Variants in PLCL1 observed in about 807,000 individuals in gnomAD.
PLCL1 encodes inactive phospholipase C-like protein 1.
In PLCL1, 41 loss-of-function variants were observed where a neutral mutation model predicts 84.4. That is an observed-to-expected ratio of 0.49 (90% CI 0.38 to 0.63). PLCL1 has a LOEUF of 0.63. Among genes scored for constraint, PLCL1 ranks in the 30% least tolerant of loss-of-function variants. The probability of loss-of-function intolerance (pLI) is 0.00; values close to 1 mark genes in which losing one functional copy is unlikely to be tolerated. For synonymous variants in PLCL1, 490 were observed against 488.3 expected, an observed-to-expected ratio of 1.00 and a Z score of -0.05; for missense variants, 1,206 against 1,367.8, an observed-to-expected ratio of 0.88 and a Z score of 1.87.
intron 1 of PLCL1, among the ~76,000 whole-genome samples, chr2:197,897,109 T>C (rs1574937178): frequency 2.7e-5 from 1 of 37,204 alleles, no homozygotes; most frequent in African/African-American, 1.6e-4. Context: ...CTTCTTCTTC[T>C]TCTTCTTCTT....
chr2:197,950,444 G>A (rs974701356), intron 1 of PLCL1, among the ~76,000 whole-genome samples: 2 of 152,092 alleles, frequency 1.3e-5, no homozygotes, highest in African/African-American at 4.8e-5. Flanking sequence ...GCATAAGCAT[G>A]GGTGGGGCAT....
At chr2:198,130,641 C>G (rs951602963) in intron 5 of PLCL1, among the ~76,000 whole-genome samples, 3 of 152,062 alleles carry the variant, frequency 2.0e-5, no homozygotes, top group Non-Finnish European at 4.4e-5. Context: ...CTCAGTGACA[C>G]CTCTGGAATT....
intron 1 of PLCL1, among the ~76,000 whole-genome samples, chr2:198,069,198 A>T (rs1420093459): frequency 6.6e-6 from 1 of 150,898 alleles, no homozygotes; most frequent in East Asian, 2.0e-4. Context: ...ACACACAAGG[A>T]TATGCACCAG....
At chr2:197,958,349 T>C (rs2105787395) in intron 1 of PLCL1, among the ~76,000 whole-genome samples, 1 of 150,436 alleles carries the variant, frequency 6.6e-6, no homozygotes, top group Admixed American at 6.7e-5. Flanking sequence ...ATATTAACCA[T>C]AGCTTATGAG....
chr2:198,074,588 G>A (rs1408966516), intron 1 of PLCL1, among the ~76,000 whole-genome samples: 1 of 152,096 alleles, frequency 6.6e-6, no homozygotes, highest in African/African-American at 2.4e-5. Context: ...GCAGTGAGCC[G>A]AGATCGAGCC....
At chr2:197,819,724 G>A (rs1690767301) in intron 1 of PLCL1, among the ~76,000 whole-genome samples, 1 of 152,088 alleles carries the variant, frequency 6.6e-6, no homozygotes, top group Non-Finnish European at 1.5e-5. Context: ...GGGATAGGTA[G>A]TGGAGGTTTC....
chr2:197,882,824 A>G (rs1397303979), intron 1 of PLCL1, among the ~76,000 whole-genome samples: 2 of 152,214 alleles, frequency 1.3e-5, no homozygotes, highest in Admixed American at 6.6e-5. Context: ...TAAAACTTCA[A>G]ATAATCTAAA....
intron 5 of PLCL1, among the ~76,000 whole-genome samples, chr2:198,114,354 CT>C (rs914995077): frequency 1.5e-4 from 23 of 148,992 alleles, no homozygotes; most frequent in African/African-American, 3.2e-4. Flanking sequence ...TGGAGGTACA[CT>C]TTTTTTTTTC....
At chr2:197,877,344 G>A (rs1174540168) in intron 1 of PLCL1, among the ~76,000 whole-genome samples, 1 of 151,996 alleles carries the variant, frequency 6.6e-6, no homozygotes, top group African/African-American at 2.4e-5. Flanking sequence ...TAGTGATAAA[G>A]GAAGCAACAT....
chr2:197,834,265 A>C (rs915528244), intron 1 of PLCL1, among the ~76,000 whole-genome samples: 1 of 152,204 alleles, frequency 6.6e-6, no homozygotes, highest in Non-Finnish European at 1.5e-5. Context: ...TGACTAAAAC[A>C]CCAAAACAAT....
chr2:197,977,111 T>G (rs1342778151), intron 1 of PLCL1, among the ~76,000 whole-genome samples: 1 of 152,178 alleles, frequency 6.6e-6, no homozygotes, highest in East Asian at 1.9e-4. Flanking sequence ...TCTCTCCGCC[T>G]CCTCTTGTAT....
chr2:197,907,818 G>C (rs1688413820), intron 1 of PLCL1, among the ~76,000 whole-genome samples: 1 of 152,084 alleles, frequency 6.6e-6, no homozygotes, highest in South Asian at 2.1e-4. Context: ...AATCACCTGA[G>C]AGCTAAACTG....
chr2:197,982,215 G>GTATA (rs150185032), intron 1 of PLCL1, among the ~76,000 whole-genome samples: 3 of 149,546 alleles, frequency 2.0e-5, no homozygotes, highest in East Asian at 2.0e-4. Context: ...ATATATATAT[G>GTATA]TATATATATA....
intron 5 of PLCL1, among the ~76,000 whole-genome samples, chr2:198,124,026 G>A (rs533176077): frequency 1.3e-5 from 2 of 152,020 alleles, no homozygotes; most frequent in Non-Finnish European, 2.9e-5. Flanking sequence ...ACTAATACAG[G>A]GACCTAGGAG....
At chr2:198,104,568 G>T (rs544896202) in intron 5 of PLCL1, among the ~76,000 whole-genome samples, 1 of 152,082 alleles carries the variant, frequency 6.6e-6, no homozygotes, top group Admixed American at 6.6e-5. Flanking sequence ...TAATGGGATT[G>T]CTGGGGTCAA....
intron 5 of PLCL1, among the ~76,000 whole-genome samples, chr2:198,127,987 C>T (rs1158943981): frequency 5.9e-5 from 9 of 152,086 alleles, no homozygotes; most frequent in African/African-American, 9.6e-5. Flanking sequence ...ACAAATAAAG[C>T]GGCTCTAAAA....
At chr2:198,041,361 G>A (rs1691659697) in intron 1 of PLCL1, among the ~76,000 whole-genome samples, 1 of 151,434 alleles carries the variant, frequency 6.6e-6, no homozygotes, top group African/African-American at 2.4e-5. Flanking sequence ...ACCGAAATAA[G>A]TAGACAATGT....
intron 1 of PLCL1, among the ~76,000 whole-genome samples, chr2:197,811,984 G>T (rs1161834566): frequency 6.6e-6 from 1 of 152,050 alleles, no homozygotes; most frequent in African/African-American, 2.4e-5. Flanking sequence ...CCTTCGAGTA[G>T]TCCCCAGTAT....
At chr2:197,995,136 C>A (rs1280620529) in intron 1 of PLCL1, among the ~76,000 whole-genome samples, 1 of 152,250 alleles carries the variant, frequency 6.6e-6, no homozygotes, top group South Asian at 2.1e-4. Flanking sequence ...TCATTTTGCT[C>A]TGTTTTGTTT....
Sources: gnomAD v4.1 joint callset for allele counts (sites outside exome capture counted in the v4.1 genomes callset) on GRCh38, gnomAD v4.1.1 for gene constraint, MANE v1.5 for transcripts, NCBI Gene and HGNC (gene_info 2026-07-23, HGNC 2026-07-21) for gene names.